The following KNTC1 variants were observed in gnomAD, a reference collection of about 807,000 sequenced individuals.
KNTC1 encodes the protein kinetochore associated 1.
KNTC1 carries 253 observed loss-of-function variants against 314.4 expected under a neutral mutation model. The ratio of observed to expected loss-of-function variants is 0.80; its 90% CI spans 0.73 to 0.89. The LOEUF is 0.89. KNTC1 is among the 40% of genes least tolerant of loss of function. The probability of loss-of-function intolerance (pLI) is 0.00; values close to 1 mark genes in which losing one functional copy is unlikely to be tolerated. For synonymous variants in KNTC1, 901 were observed against 901.4 expected (o/e 1.00, Z 0.01); for missense variants, 2,475 against 2,572.9 (o/e 0.96, Z 0.82).
intron 11 of KNTC1, 32 bp downstream of exon 11, chr12:122,547,562 C>T (rs764342951): frequency 7.6e-7 from 1 of 1,315,020 alleles, no homozygotes; most frequent in South Asian, 1.2e-5. Flanking sequence ...TAGTCATTTC[C>T]CTTCTGTTAG....
At chr12:122,614,459 C>T (rs1379712870) in intron 55 of KNTC1, among the ~76,000 whole-genome samples, 5 of 152,002 alleles carry the variant, frequency 3.3e-5, no homozygotes, top group Admixed American at 3.3e-4. Flanking sequence ...CAAACTTTTT[C>T]AATAGAAGAA....
rs1475095347 is a variant in KNTC1, at chr12:122,568,280, T to C, written c.1624T>C (p.Phe542Leu). The C allele has an allele frequency of 6.4e-7, 1 of 1,554,050 alleles. No individual in the cohort carries two copies. The highest frequency in any genetic ancestry group is 8.9e-7 in the Non-Finnish European group (1 of 1,128,792). Residue 542 changes from phenylalanine (F) to leucine (L), a missense_variant, in exon 21 of 64, where the codon TTT (phenylalanine) becomes CTT (leucine). Transcript: ENST00000333479. Reference protein sequence around the residue: ...EKFSGSSWIEFLNNEDDLKDI... With the variant: ...EKFSGSSWIELLNNEDDLKDI... ...ATTCAGTGGCAGTTCTTGGATTGAATTTCTAAATAATGAAGATGATCTTAA... is the reference window on the plus strand; with the variant it reads ...ATTCAGTGGCAGTTCTTGGATTGAACTTCTAAATAATGAAGATGATCTTAA...
intron 12 of KNTC1, 126 bp from the exon 13 acceptor site, chr12:122,549,640 A>G (rs1465156805): frequency 8.1e-6 from 5 of 616,866 alleles, no homozygotes; most frequent in South Asian, 1.6e-5. Context: ...TGCTGGGATT[A>G]TAGGCATGAG....
Position 122,586,711 on chromosome 12 carries a change from A to T in KNTC1, c.3684A>T (p.Arg1228Ser). ...SSLVPLAESKRYPLESTSLPY... is the reference protein window; with the variant it reads ...SSLVPLAESKSYPLESTSLPY... Reference sequence around the variant, plus strand: ...TATTATCTTTTGTAGAAAGCAAGAGATATCCCTTGGAGTCTACCAGTTTGC... The same window carrying T: ...TATTATCTTTTGTAGAAAGCAAGAGTTATCCCTTGGAGTCTACCAGTTTGC... The change falls in exon 38 of 64, where the codon AGA becomes AGT. Residue 1228 changes from arginine (R) to serine (S), a missense_variant. Arg to Ser is a moderately radical substitution (Grantham distance 110, BLOSUM62 -1). Transcript: ENST00000333479. 6.8e-7 allele frequency: 1 copy of T among 1,480,754 alleles called. No individual in the cohort carries two copies. Among genetic ancestry groups the T allele is most frequent in the Non-Finnish European group, 9.1e-7 (1 of 1,103,248 alleles). 91.7% of individuals were successfully genotyped at this position (1,480,754 alleles called of 1,614,324 possible). A position where few individuals can be genotyped will look rare whatever the true frequency, so the allele number is the denominator to read the frequency against.
intron 20 of KNTC1, among the ~76,000 whole-genome samples, chr12:122,567,518 G>A (rs969881832): frequency 7.3e-5 from 11 of 151,016 alleles, no homozygotes; most frequent in South Asian, 2.1e-4. Flanking sequence ...TTTTTTCCTC[G>A]TCAAATTCAT....
intron 10 of KNTC1, 114 bp downstream of exon 10, chr12:122,546,788 G>T: frequency 1.8e-6 from 1 of 566,344 alleles, no homozygotes; most frequent in Admixed American, 3.7e-5. Flanking sequence ...TGTGTACTGT[G>T]CTTTTTTTCA....
chr12:122,598,992 A>G (rs977279493), intron 44 of KNTC1, among the ~76,000 whole-genome samples: 2 of 151,724 alleles, frequency 1.3e-5, no homozygotes, highest in Middle Eastern at 3.4e-3. Flanking sequence ...TTAATTTTTA[A>G]AATTTTTTAA....
chr12:122,546,789 CT>C, intron 10 of KNTC1, 115 bp downstream of exon 10: 5 of 537,168 alleles, frequency 9.3e-6, no homozygotes, highest in East Asian at 3.4e-5. Context: ...GTGTACTGTG[CT>C]TTTTTTCAGT....
chr12:122,539,637 T>C (rs777244396), intron 4 of KNTC1, 39 bp from the exon 5 acceptor site: 68 of 1,328,576 alleles, frequency 5.1e-5, no homozygotes, highest in Non-Finnish European at 6.7e-5. Context: ...TGTATTTTTC[T>C]ATGTTTAATT....
intron 61 of KNTC1, 145 bp downstream of exon 61, chr12:122,622,115 G>A: frequency 2.8e-6 from 2 of 712,406 alleles, no homozygotes; most frequent in Non-Finnish European, 4.7e-6. Flanking sequence ...TAAAACCTCA[G>A]TAAATTTTTT....
At chr12:122,566,560 A>G (rs4579965) in intron 20 of KNTC1, among the ~76,000 whole-genome samples, 47,324 of 150,956 alleles carry the variant, frequency 0.31, 8,852 homozygotes, top group Admixed American at 0.4. Flanking sequence ...CAGGCATGCA[A>G]CACTACGTCT....
At chr12:122,624,753 T>A (rs1874835425) in intron 63 of KNTC1, 65 bp downstream of exon 63, 7 of 1,093,578 alleles carry the variant, frequency 6.4e-6, no homozygotes, top group Non-Finnish European at 9.9e-6. Flanking sequence ...GGCCTTAAAA[T>A]TGACAAGCCT....
intron 2 of KNTC1, among the ~76,000 whole-genome samples, chr12:122,531,900 AT>A (rs1318792710): frequency 1.3e-5 from 2 of 151,722 alleles, no homozygotes; most frequent in African/African-American, 2.4e-5. Context: ...TGCCCAGCTA[AT>A]TTTTTGTATT....
intron 3 of KNTC1, among the ~76,000 whole-genome samples, chr12:122,536,244 T>C (rs1961817697): frequency 6.6e-6 from 1 of 151,152 alleles, no homozygotes; most frequent in African/African-American, 2.4e-5. Flanking sequence ...TTTTTTTTTT[T>C]TGAGATGTAG....
chr12:122,540,011 C>G (rs959814604), intron 5 of KNTC1, among the ~76,000 whole-genome samples: 2 of 151,804 alleles, frequency 1.3e-5, no homozygotes, highest in Non-Finnish European at 2.9e-5. Context: ...AGCTCCTGAC[C>G]TCAAGTGAGT....
chr12:122,606,406 T>TG (rs1169438543), intron 51 of KNTC1, among the ~76,000 whole-genome samples: 2 of 151,732 alleles, frequency 1.3e-5, no homozygotes, highest in South Asian at 4.2e-4. Flanking sequence ...TTAGTAGAGT[T>TG]GGGGTTTCAC....
At chr12:122,547,341 C>T in intron 10 of KNTC1, 74 bp from the exon 11 acceptor site, 6 of 889,066 alleles carry the variant, frequency 6.7e-6, no homozygotes, top group Non-Finnish European at 1.1e-5. Context: ...CACCATTGCA[C>T]TCCAGCCTGG....
At chr12:122,584,860 T>G in intron 35 of KNTC1, 33 bp from the exon 36 acceptor site, 1 of 1,060,594 alleles carries the variant, frequency 9.4e-7, no homozygotes, top group Non-Finnish European at 1.4e-6. Flanking sequence ...ACATGAAATA[T>G]GAGTTTAATG....
rs1375782753 is a variant in KNTC1 at position 122,615,512 on chromosome 12, C to T, written c.6016C>T (p.His2006Tyr). The change falls in exon 57 of 64, where the codon CAT becomes TAT. Residue 2006 changes from histidine (H) to tyrosine (Y), a missense_variant. Coordinates refer to ENST00000333479, the MANE Select transcript of KNTC1 (RefSeq NM_014708.6). ...RKVLKAISSIHSLWQVPYFSK... is the reference protein window; with the variant it reads ...RKVLKAISSIYSLWQVPYFSK... ...AGTTTTAAAAGCCATCTCCAGTATC[C>T]ATTCTTTATGGCAGGTATGTAGTTT... 1.3e-6 allele frequency: 2 copies of T among 1,525,522 alleles called. No homozygotes were observed. Among genetic ancestry groups the T allele is most frequent in the Non-Finnish European group, 1.8e-6 (2 of 1,130,644 alleles). The allele number at this position is 1,525,522 out of a possible 1,614,324, so 94.5% of individuals were successfully genotyped here.
Sources: allele counts gnomAD v4.1 joint callset (sites outside exome capture counted in the v4.1 genomes callset), GRCh38; gene constraint gnomAD v4.1.1; transcripts MANE v1.5; gene names NCBI Gene and HGNC (gene_info 2026-07-23, HGNC 2026-07-21).